The following STK32B variants were observed in gnomAD, a reference collection of about 807,000 sequenced individuals.
STK32B encodes serine/threonine-protein kinase 32B.
In STK32B, 43 loss-of-function variants were observed where a neutral mutation model predicts 52.6. The observed-to-expected ratio is 0.82, with a 90% CI of 0.64 to 1.05. STK32B has a LOEUF of 1.05. Ranked by LOEUF, STK32B falls within the 50% of genes least tolerant of loss-of-function variation. The pLI is 0.00. For synonymous variants in STK32B, 238 were observed against 204.3 expected, an observed-to-expected ratio of 1.17 and a Z score of -1.41; for missense variants, 621 against 534.6, an observed-to-expected ratio of 1.16 and a Z score of -1.59.
At chr4:5,159,610 A>AATATATATGAAT (rs1718208169) in intron 2 of STK32B, among the ~76,000 whole-genome samples, 10 of 95,288 alleles carry the variant, frequency 1.0e-4, no homozygotes, top group South Asian at 3.1e-4. Context: ...TATATATATG[A>AATATATATGAAT]ATATATATGA....
Position 5,337,671 on chromosome 4 carries a change from G to C in STK32B, c.434+6278G>C, listed in dbSNP as rs543867964. Among the ~76,000 whole-genome samples the C allele has an allele frequency of 3.3e-5, 5 of 151,892 alleles. No homozygotes were observed. In the East Asian group the frequency reaches 9.7e-4, roughly 29 times the overall value. ...CACCTGGCCTTGAGAGATTTATTTA[G>C]CTGGTAAAGAATCTGAAGTTGAGTT... On this transcript the variant is annotated intron_variant, in intron 4 of 11. Coordinates refer to ENST00000282908, the MANE Select transcript of STK32B (RefSeq NM_018401.3).
intron 3 of STK32B, among the ~76,000 whole-genome samples, chr4:5,296,664 C>T (rs1367464864): frequency 2.6e-5 from 4 of 152,096 alleles, no homozygotes; most frequent in East Asian, 1.9e-4. Context: ...TGTCTTTGCA[C>T]GTGAGATGGG....
chr4:5,319,701 A>G (rs1731358765), intron 3 of STK32B, among the ~76,000 whole-genome samples: 1 of 152,168 alleles, frequency 6.6e-6, no homozygotes, highest in African/African-American at 2.4e-5. Flanking sequence ...CTCAGCTTCA[A>G]GGAAGAGAAT....
intron 4 of STK32B, among the ~76,000 whole-genome samples, chr4:5,391,426 C>A (rs927494041): frequency 4.6e-5 from 7 of 152,226 alleles, no homozygotes; most frequent in African/African-American, 1.4e-4. Flanking sequence ...CACTTTCCTG[C>A]AAAGACAGTA....
chr4:5,191,954 C>G (rs1264653802), intron 3 of STK32B, among the ~76,000 whole-genome samples: 3 of 152,212 alleles, frequency 2.0e-5, no homozygotes, highest in Non-Finnish European at 4.4e-5. Context: ...CACATGCTCC[C>G]TGCAACCCCA....
chr4:5,183,191 G>T (rs536863592), intron 3 of STK32B, among the ~76,000 whole-genome samples: 209 of 152,158 alleles, frequency 1.4e-3, no homozygotes, highest in African/African-American at 4.7e-3. Context: ...TTAAAACCAG[G>T]CATTGGCCGG....
intron 3 of STK32B, among the ~76,000 whole-genome samples, chr4:5,293,318 C>CCTT (rs1261600562): frequency 6.6e-6 from 1 of 151,984 alleles, no homozygotes. Context: ...AATGACATTA[C>CCTT]TGGGTCAAAT....
intron 4 of STK32B, among the ~76,000 whole-genome samples, chr4:5,338,488 A>G (rs978243617): frequency 4.6e-5 from 7 of 152,202 alleles, no homozygotes; most frequent in Non-Finnish European, 8.8e-5. Context: ...GATCAGTTGT[A>G]TATGTGTCAT....
chr4:5,418,899 G>T (rs2109074267), intron 6 of STK32B, among the ~76,000 whole-genome samples: 1 of 152,340 alleles, frequency 6.6e-6, no homozygotes, highest in Middle Eastern at 3.4e-3. Flanking sequence ...TTTGGACATG[G>T]TGGAGGGTTT....
intron 1 of STK32B, among the ~76,000 whole-genome samples, chr4:5,078,564 G>C (rs543162535): frequency 6.6e-6 from 1 of 152,164 alleles, no homozygotes; most frequent in Non-Finnish European, 1.5e-5. Context: ...AACTACGTCC[G>C]AACCTGTCTG....
intron 2 of STK32B, among the ~76,000 whole-genome samples, chr4:5,159,257 C>T (rs867015179): frequency 6.6e-6 from 1 of 152,008 alleles, no homozygotes; most frequent in Admixed American, 6.6e-5. Context: ...AATCAAGTAA[C>T]AAGCTGTTTG....
intron 3 of STK32B, among the ~76,000 whole-genome samples, chr4:5,235,609 T>C (rs953930072): frequency 2.0e-5 from 3 of 152,166 alleles, no homozygotes; most frequent in African/African-American, 7.2e-5. Context: ...CTTTAAAAAA[T>C]TGGGATCCTA....
chr4:5,313,724 T>G (rs1335287747), intron 3 of STK32B, among the ~76,000 whole-genome samples: 1 of 152,168 alleles, frequency 6.6e-6, no homozygotes, highest in Non-Finnish European at 1.5e-5. Context: ...AAGATCAACC[T>G]AGAACTGTGA....
chr4:5,094,574 G>C (rs914848437), intron 1 of STK32B, among the ~76,000 whole-genome samples: 2 of 152,124 alleles, frequency 1.3e-5, no homozygotes, highest in Non-Finnish European at 2.9e-5. Context: ...GGAGTCACTT[G>C]AGCCCGGGAG....
At chr4:5,366,212 A>G (rs1734867501) in intron 4 of STK32B, among the ~76,000 whole-genome samples, 1 of 152,108 alleles carries the variant, frequency 6.6e-6, no homozygotes. Context: ...ATCCCTAAAA[A>G]TGGGGATGGG....
intron 1 of STK32B, among the ~76,000 whole-genome samples, chr4:5,112,502 A>T (rs1157552703): frequency 6.6e-6 from 1 of 152,118 alleles, no homozygotes; most frequent in Non-Finnish European, 1.5e-5. Flanking sequence ...AGGCAGGAGG[A>T]GTTCCCTTCT....
At chr4:5,143,562 G>C (rs1716670192) in intron 2 of STK32B, among the ~76,000 whole-genome samples, 2 of 152,102 alleles carry the variant, frequency 1.3e-5, no homozygotes, top group Admixed American at 6.5e-5. Context: ...CCCTTGTATG[G>C]TGAGAGGAGC....
chr4:5,316,647 T>A (rs1331854705), intron 3 of STK32B, among the ~76,000 whole-genome samples: 1 of 9,146 alleles, frequency 1.1e-4, no homozygotes, highest in Non-Finnish European at 1.4e-4. Context: ...ATATATTATA[T>A]ATATAATATA....
intron 6 of STK32B, among the ~76,000 whole-genome samples, chr4:5,443,073 AT>A (rs1714955705): frequency 6.7e-6 from 1 of 150,026 alleles, no homozygotes; most frequent in Non-Finnish European, 1.5e-5. Flanking sequence ...GAATCTGACA[AT>A]TATGTGTCTT....
Sources: gnomAD v4.1 joint callset for allele counts (sites outside exome capture counted in the v4.1 genomes callset) on GRCh38, gnomAD v4.1.1 for gene constraint, MANE v1.5 for transcripts, NCBI Gene and HGNC (gene_info 2026-07-23, HGNC 2026-07-21) for gene names.